KAZN: variants seen among roughly 807,000 people sequenced by gnomAD.
KAZN encodes the protein kazrin, periplakin interacting protein, also known as kazrin.
A neutral mutation model predicts 87.4 loss-of-function variants in KAZN; 40 were observed. That is an observed-to-expected ratio of 0.46 (90% CI 0.36 to 0.60). The LOEUF (loss-of-function observed/expected upper bound fraction) is 0.60. Ranked by LOEUF, KAZN falls within the 20% of genes least tolerant of loss-of-function variation. KAZN has a pLI of 0.00. For missense variants in KAZN, 898 were observed against 1,073.9 expected (o/e 0.84, Z 2.29); for synonymous variants, 466 against 458.3 (o/e 1.02, Z -0.22).
chr1:14,449,320 G>A (rs1667141755), intron 2 of KAZN, among the ~76,000 whole-genome samples: 1 of 152,188 alleles, frequency 6.6e-6, no homozygotes, highest in Non-Finnish European at 1.5e-5. Context: ...TCCTCTCCTT[G>A]TATCTGGCCT....
At chr1:14,871,649 A>AGTGTGTGTGT (rs3033520) in intron 1 of KAZN, among the ~76,000 whole-genome samples, 37,843 of 144,334 alleles carry the variant, frequency 0.26, 5,332 homozygotes, top group East Asian at 0.4. Context: ...CATGAGCAGC[A>AGTGTGTGTGT]GTGTGTGTGT....
chr1:14,575,032 G>T (rs532325897), intron 2 of KAZN, among the ~76,000 whole-genome samples: 1 of 152,304 alleles, frequency 6.6e-6, no homozygotes, highest in South Asian at 2.1e-4. Context: ...GAGGATTCTG[G>T]TAGGTAGTGG....
intron 13 of KAZN, among the ~76,000 whole-genome samples, chr1:15,111,573 C>A (rs575872885): frequency 6.6e-6 from 1 of 152,326 alleles, no homozygotes; most frequent in South Asian, 2.1e-4. Context: ...CCACCATGCC[C>A]GGCCTAGAAG....
At chr1:13,918,223 C>T (rs1265777123) in intron 1 of KAZN, among the ~76,000 whole-genome samples, 1 of 152,176 alleles carries the variant, frequency 6.6e-6, no homozygotes, top group African/African-American at 2.4e-5. Flanking sequence ...ATTCTAGATG[C>T]TATTAAGAAC....
rs1446506466 is a variant in KAZN at position 14,856,875 on chromosome 1, G to T, written c.227-103809G>T. ...CCTTTGATGCTTCTCCTTGGGAGGT[G>T]TGTGAATTGGAGTTGCTTAATTAAG... On this transcript the variant is annotated intron_variant, in intron 1 of 14. Transcript: ENST00000376030. This position sits in a 1 kb window ranked among gnomAD's most constrained non-coding sequence, Gnocchi z 5.2. Among the ~76,000 whole-genome samples the T allele has an allele frequency of 1.3e-5, 2 of 152,172 alleles. No individual in the cohort carries two copies. The highest frequency in any genetic ancestry group is 2.9e-5 in the Non-Finnish European group (2 of 68,032).
rs546376666 is a variant in KAZN, at chr1:14,931,803, G to A, written c.227-28881G>A. Among the ~76,000 whole-genome samples, 14 of 152,278 alleles carry A rather than the reference G, an allele frequency of 9.2e-5. 1 individual carries two copies. In the East Asian group the frequency reaches 2.3e-3, roughly 25 times the overall value. On this transcript the variant is annotated intron_variant, in intron 1 of 14. Coordinates refer to ENST00000376030, the MANE Select transcript of KAZN (RefSeq NM_201628.3). ...GGCTGGAGCACAGGGACGATTCACA[G>A]GCACGATCAGGGCACGCTAGCACCT...
chr1:14,892,365 G>C (rs984185222), intron 1 of KAZN, among the ~76,000 whole-genome samples: 9 of 152,054 alleles, frequency 5.9e-5, no homozygotes, highest in African/African-American at 2.2e-4. Context: ...GTCTTTCAGA[G>C]GCATCTCTCT....
At chr1:14,013,885 C>G (rs147372469) in intron 1 of KAZN, among the ~76,000 whole-genome samples, 3,244 of 152,274 alleles carry the variant, frequency 0.021, 109 homozygotes, top group African/African-American at 0.073. Flanking sequence ...GATGATGGCT[C>G]TGGAATTTTC....
At chr1:14,010,103 T>TA (rs898921572) in intron 1 of KAZN, among the ~76,000 whole-genome samples, 1 of 152,084 alleles carries the variant, frequency 6.6e-6, no homozygotes, top group African/African-American at 2.4e-5. Flanking sequence ...TAATACTAAT[T>TA]AAAAAAATTA....
In KAZN at chr1:14,883,355, A is replaced by AGAGAGAGAGAGAGAGAG. The variant is rs1553150619; in HGVS notation, c.227-77329_227-77328insGAGAGAGAGAGAGAGAG. 2.9e-4 allele frequency among the ~76,000 whole-genome samples: 6 copies of AGAGAGAGAGAGAGAGAG among 20,620 alleles called. 1 individual carries two copies. The highest frequency in any genetic ancestry group is 3.4e-3 in the South Asian group (1 of 294). The allele number at this position is 20,620 out of a possible 152,430, so 13.5% of individuals were successfully genotyped here. A position where few individuals can be genotyped will look rare whatever the true frequency, so the allele number is the denominator to read the frequency against. On this transcript the variant is annotated intron_variant, in intron 1 of 14. Coordinates refer to ENST00000376030, the MANE Select transcript of KAZN (RefSeq NM_201628.3). ...GAGAGAGAGAGAGAAAGAAAGAAAG[A>AGAGAGAGAGAGAGAGAG]AAAGAAAGAAAGAAAGAAAGAAAGA...
intron 1 of KAZN, among the ~76,000 whole-genome samples, chr1:14,909,873 C>T (rs770154451): frequency 3.9e-5 from 6 of 152,038 alleles, no homozygotes; most frequent in Non-Finnish European, 7.4e-5. Context: ...GGCAACATGG[C>T]GAAACCCCAT....
intron 1 of KAZN, among the ~76,000 whole-genome samples, chr1:14,660,072 C>T (rs1483310610): frequency 1.3e-5 from 2 of 152,138 alleles, no homozygotes; most frequent in Admixed American, 6.5e-5. Flanking sequence ...AGCCGCTCTG[C>T]AACTACCGGG....
rs138822458 is a variant in KAZN at position 14,476,055 on chromosome 1, A to G, written c.250-122928A>G. Among the ~76,000 whole-genome samples, 957 of 152,320 alleles carry G rather than the reference A, an allele frequency of 6.3e-3. 13 individuals carry two copies. The highest frequency in any genetic ancestry group is 0.022 in the African/African-American group (911 of 41,564). The stretch of plus-strand genomic sequence containing the variant: ...TCCCTCAGCAGCCCAACAGGCAGGT[A>G]ATAGTACTCTGCCCATTGTGCAGAT... On this transcript the variant is annotated intron_variant, in intron 2 of 16. Transcript: ENST00000636203.
chr1:15,072,767 C>T (rs1463991927), intron 8 of KAZN, among the ~76,000 whole-genome samples: 1 of 152,200 alleles, frequency 6.6e-6, no homozygotes, highest in Non-Finnish European at 1.5e-5. Context: ...CTCTAGCAGT[C>T]TGGCTCCAGA....
At chr1:14,060,134 C>T (rs557872841) in intron 1 of KAZN, among the ~76,000 whole-genome samples, 66 of 152,122 alleles carry the variant, frequency 4.3e-4, no homozygotes, top group African/African-American at 1.3e-3. Flanking sequence ...GAGGCCGAGG[C>T]GGGCGGATCA....
chr1:14,472,417 G>A (rs1668504313), intron 2 of KAZN, among the ~76,000 whole-genome samples: 1 of 152,112 alleles, frequency 6.6e-6, no homozygotes, highest in South Asian at 2.1e-4. Flanking sequence ...CAGACTGATG[G>A]AGGCTCTACC....
At position 14,534,608 on chromosome 1, in the gene KAZN, GCAC is replaced by G; in HGVS notation, c.250-64374_250-64372del. ...TGCAGTGAGCCGAGATCGCACCACT[GCAC>G]TCCAGCCTGGGAGCCAGAGCGAGAC... On this transcript the variant is annotated intron_variant, in intron 2 of 16. Coordinates refer to the KAZN transcript ENST00000636203. Among the ~76,000 whole-genome samples the G allele has an allele frequency of 2.6e-5, 4 of 152,228 alleles. 1 individual carries two copies. The South Asian group carries it at 8.3e-4, about 32-fold the overall frequency.
At chr1:14,942,627 A>G (rs549575539) in intron 1 of KAZN, among the ~76,000 whole-genome samples, 1 of 152,322 alleles carries the variant, frequency 6.6e-6, no homozygotes, top group Admixed American at 6.5e-5. Context: ...ATGTTTTGGC[A>G]TGAAAGCACC....
At position 14,977,061 on chromosome 1, in the gene KAZN, A is replaced by AAAAC. The variant is rs1053668099; in HGVS notation, c.418+16206_418+16209dup. Among the ~76,000 whole-genome samples the AAAAC allele has an allele frequency of 1.6e-4, 25 of 152,278 alleles. No individual in the cohort carries two copies. The South Asian group carries it at 1.7e-3, about 10-fold the overall frequency. On this transcript the variant is annotated intron_variant, in intron 2 of 14. Transcript: ENST00000376030. ...CAGTGTGAGACTCCATCTCAAATTAAAAACAAACAAACAAACAAACAAAAA... is the reference window on the plus strand; with the variant it reads ...CAGTGTGAGACTCCATCTCAAATTAAAAACAAACAAACAAACAAACAAACAAAAA...
Sources: allele counts gnomAD v4.1 joint callset (sites outside exome capture counted in the v4.1 genomes callset), GRCh38; gene constraint gnomAD v4.1.1; non-coding constraint Gnocchi (gnomAD v3.1); transcripts MANE v1.5; gene names NCBI Gene and HGNC (gene_info 2026-07-23, HGNC 2026-07-21).